Variants in TGM6 observed in about 807,000 individuals in gnomAD.
The protein encoded by TGM6 is protein-glutamine gamma-glutamyltransferase 6.
Under a neutral mutation model 77.5 loss-of-function variants are expected in TGM6, and 74 were observed. The observed-to-expected ratio is 0.96, with a 90% CI of 0.79 to 1.16. TGM6 has a LOEUF of 1.16. TGM6 is among the 50% of genes most tolerant of loss of function. TGM6 has a pLI of 0.00. For synonymous variants in TGM6, 383 were observed against 378.9 expected (o/e 1.01, Z -0.12); for missense variants, 968 against 940.2 (o/e 1.03, Z -0.39).
At chr20:2,418,885 G>C (rs192922555) in intron 10 of TGM6, among the ~76,000 whole-genome samples, 4 of 152,000 alleles carry the variant, frequency 2.6e-5, no homozygotes, top group African/African-American at 9.7e-5. Flanking sequence ...AACCATCCTG[G>C]CTAACACAGT....
intron 10 of TGM6, among the ~76,000 whole-genome samples, chr20:2,422,773 A>T (rs1394253323): frequency 6.6e-6 from 1 of 152,024 alleles, no homozygotes; most frequent in African/African-American, 2.4e-5. Flanking sequence ...CTCTACAAAA[A>T]AAATAAATAA....
Position 2,417,934 on chromosome 20 carries a change from C to A in TGM6, c.1678+361C>A, listed in dbSNP as rs573963997. On this transcript the variant is annotated intron_variant, in intron 10 of 12. Transcript: ENST00000202625. ...TGCCATGCATTACTTTTCTAAAATC[C>A]AAAAAAATCTGGAGCCCATTTGGCT... 5.9e-5 allele frequency among the ~76,000 whole-genome samples: 9 copies of A among 151,958 alleles called. No homozygotes were observed. In the South Asian group the frequency reaches 1.2e-3, roughly 21 times the overall value.
At chr20:2,401,096 T>C (rs1013112165) in intron 7 of TGM6, among the ~76,000 whole-genome samples, 8 of 152,070 alleles carry the variant, frequency 5.3e-5, no homozygotes, top group Non-Finnish European at 1.2e-4. Context: ...TCCCAGCTAC[T>C]CTGGAGGCTG....
At chr20:2,391,505 T>TG (rs1304787448) in intron 1 of TGM6, among the ~76,000 whole-genome samples, 4 of 143,434 alleles carry the variant, frequency 2.8e-5, no homozygotes, top group African/African-American at 1.0e-4. Flanking sequence ...TGTGAGGGGG[T>TG]GGGGGGTGAG....
intron 9 of TGM6, among the ~76,000 whole-genome samples, chr20:2,408,582 T>G (rs745422137): frequency 3.9e-5 from 6 of 152,122 alleles, no homozygotes; most frequent in Admixed American, 1.3e-4. Flanking sequence ...TCAGTACAGA[T>G]TCACGGAATG....
intron 10 of TGM6, among the ~76,000 whole-genome samples, chr20:2,425,460 A>G (rs555478611): frequency 2.0e-5 from 3 of 152,184 alleles, no homozygotes; most frequent in Non-Finnish European, 4.4e-5. Context: ...AATTTGTAAA[A>G]AATGCAATAT....
Position 2,394,475 on chromosome 20 carries a change from T to C in TGM6, c.31T>C (p.Trp11Arg). 6.2e-7 allele frequency: 1 copy of C among 1,611,628 alleles called. No homozygotes were observed. The highest frequency in any genetic ancestry group is 8.5e-7 in the Non-Finnish European group (1 of 1,179,852). ...AGGGATCAGAGTCACCAAGGTGGAC[T>C]GGCAGCGGTCGAGGAATGGCGCTGC... is the stretch of plus-strand genomic sequence containing the variant. MAGIRVTKVD[W>R]QRSRNGAAHH... Residue 11 changes from tryptophan (W) to arginine (R), a missense_variant, in exon 2 of 13, where the codon TGG becomes CGG. Trp to Arg is a moderately radical substitution (Grantham distance 101). Transcript: ENST00000202625.
In TGM6 at chr20:2,430,474, C is replaced by G; in HGVS notation, c.1707C>G (p.Tyr569Ter). 6.2e-7 allele frequency: 1 copy of G among 1,614,196 alleles called. No homozygotes were observed. The highest frequency in any genetic ancestry group is 8.5e-7 in the Non-Finnish European group (1 of 1,180,044). The change falls in exon 11 of 13, where the codon TAC becomes TAG. Residue 569 changes from tyrosine (Y) to a stop codon, truncating the protein, a stop_gained. Coordinates refer to ENST00000202625, the MANE Select transcript of TGM6 (RefSeq NM_198994.3). LOFTEE classifies it high-confidence loss of function. ...AGAGAATCCCAATTACAATATCTTA[C>G]TCTAAGTATAAAGAAGACCTGACAG... The part of the protein sequence containing the change: ...EEKRIPITIS[Y>*]SKYKEDLTED...
Position 2,417,410 on chromosome 20 carries a change from C to A in TGM6, c.1515C>A (p.Pro505=), listed in dbSNP as rs750555578. The change falls in exon 10 of 13, where the codon CCC becomes CCA. Residue 505 remains proline (P), a synonymous_variant. Transcript: ENST00000202625. The part of the protein sequence containing the change: ...IAGKFKVLEP[P]MLGHDLRLAL... ...GCAAGTTCAAGGTGCTAGAGCCTCC[C>A]ATGCTGGGCCACGACCTGAGACTGG... The A allele has an allele frequency of 1.3e-5, 21 of 1,613,244 alleles. No homozygotes were observed. Among genetic ancestry groups the A allele is most frequent in the Non-Finnish European group, 1.7e-5 (20 of 1,180,042 alleles).
chr20:2,416,004 G>A (rs2084814382), intron 9 of TGM6, among the ~76,000 whole-genome samples: 1 of 152,124 alleles, frequency 6.6e-6, no homozygotes, highest in South Asian at 2.1e-4. Context: ...CCTCTAGGGG[G>A]GGCTGCTATT....
Position 2,396,558 on chromosome 20 carries a change from C to T in TGM6, c.477C>T (p.Ser159=), listed in dbSNP as rs16984872. ...AGGAGAGACAGGAGTACGTGCTCAGCGACAGCGGCATCATCTTCCGAGGCG... is the reference window on the plus strand; with the variant it reads ...AGGAGAGACAGGAGTACGTGCTCAGTGACAGCGGCATCATCTTCCGAGGCG... The part of the protein sequence containing the change: ...SEEERQEYVL[S]DSGIIFRGVE... The change falls in exon 4 of 13, where the codon AGC becomes AGT. Residue 159 remains serine, a synonymous_variant. Transcript: ENST00000202625. The T allele has an allele frequency of 0.014, 22,128 of 1,614,160 alleles. 568 individuals are homozygous for T. The highest frequency in any genetic ancestry group is 0.11 in the African/African-American group (8,065 of 75,000).
chr20:2,387,963 C>A (rs893721065), intron 1 of TGM6, among the ~76,000 whole-genome samples: 2 of 152,220 alleles, frequency 1.3e-5, no homozygotes, highest in Middle Eastern at 3.4e-3. Context: ...TCTCCGTGGG[C>A]CATTTGGGTT....
Position 2,430,480 on chromosome 20 carries a change from G to T in TGM6, c.1713G>T (p.Lys571Asn), listed in dbSNP as rs747618787. 2.5e-6 allele frequency: 4 copies of T among 1,614,180 alleles called. No individual in the cohort carries two copies. The change falls in exon 11 of 13, where the codon AAG becomes AAT. Residue 571 changes from lysine to asparagine, a missense_variant. Transcript: ENST00000202625. ...KRIPITISYS[K>N]YKEDLTEDKK... is the part of the protein sequence containing the mutation. ...TCCCAATTACAATATCTTACTCTAA[G>T]TATAAAGAAGACCTGACAGAGGACA...
At chr20:2,412,945 A>G (rs563141258) in intron 9 of TGM6, among the ~76,000 whole-genome samples, 1 of 152,202 alleles carries the variant, frequency 6.6e-6, no homozygotes, top group African/African-American at 2.4e-5. Context: ...TAAAATTGCA[A>G]TACTCTCAAA....
chr20:2,399,810 T>C, intron 6 of TGM6, 72 bp downstream of exon 6: 2 of 1,351,946 alleles, frequency 1.5e-6, no homozygotes, highest in Non-Finnish European at 2.0e-6. Context: ...TTTACATATA[T>C]TTGCATATGC....
chr20:2,429,310 G>A (rs2084908378), intron 10 of TGM6, among the ~76,000 whole-genome samples: 1 of 151,964 alleles, frequency 6.6e-6, no homozygotes, highest in African/African-American at 2.4e-5. Context: ...GCCCTTTAAG[G>A]ACCTTTTCCA....
rs534387272 is a variant in TGM6 at position 2,395,065 on chromosome 20, T to C, written c.182-129T>C. On this transcript the variant is annotated intron_variant, in intron 2 of 12. Transcript: ENST00000202625. Reference sequence around the variant, plus strand: ...ACTGGCCTTCTTGCTCTTTGTCAGGTCCTTCTCCCAAAGCCTCCCAGAAGT... The same window carrying C: ...ACTGGCCTTCTTGCTCTTTGTCAGGCCCTTCTCCCAAAGCCTCCCAGAAGT... 1.9e-3 allele frequency: 2,764 copies of C among 1,454,150 alleles called. 7 individuals are homozygous for C. Among genetic ancestry groups the C allele is most frequent in the Middle Eastern group, 8.4e-3 (35 of 4,190 alleles). The allele number at this position is 1,454,150 out of a possible 1,614,324, so 90.1% of individuals were successfully genotyped here.
In TGM6 at chr20:2,393,485, G is replaced by A. The variant is rs796603717; in HGVS notation, c.8-967G>A. Among the ~76,000 whole-genome samples, 27 of 152,256 alleles carry A rather than the reference G, an allele frequency of 1.8e-4. 1 individual carries two copies. The highest frequency in any genetic ancestry group is 4.8e-4 in the African/African-American group (20 of 41,542). On this transcript the variant is annotated intron_variant, in intron 1 of 12. Coordinates refer to ENST00000202625, the MANE Select transcript of TGM6 (RefSeq NM_198994.3). Reference sequence around the variant, plus strand: ...TGAACATTCAGGCATGAACTATAGCGCTGCTGGCCACAAGTTCAATATTAA... The same window carrying A: ...TGAACATTCAGGCATGAACTATAGCACTGCTGGCCACAAGTTCAATATTAA...
intron 7 of TGM6, among the ~76,000 whole-genome samples, chr20:2,401,861 C>T (rs990126541): frequency 2.6e-5 from 4 of 152,200 alleles, no homozygotes; most frequent in African/African-American, 9.6e-5. Flanking sequence ...TTTGCCTTTA[C>T]AAACAAGGCT....
Sources: gnomAD v4.1 joint callset for allele counts (sites outside exome capture counted in the v4.1 genomes callset) on GRCh38, gnomAD v4.1.1 for gene constraint, MANE v1.5 for transcripts, NCBI Gene and HGNC (gene_info 2026-07-23, HGNC 2026-07-21) for gene names.